Variants in SLC4A10 observed in about 807,000 individuals in gnomAD.
SLC4A10 encodes solute carrier family 4 member 10, also known as sodium-driven chloride bicarbonate exchanger.
In SLC4A10, 42 loss-of-function variants were observed where a neutral mutation model predicts 137.7. The observed-to-expected ratio is 0.30, with a 90% CI of 0.24 to 0.39. SLC4A10 has a LOEUF of 0.39. Ranked by LOEUF, SLC4A10 falls within the 10% of genes least tolerant of loss-of-function variation. The pLI is 1.00. For missense variants in SLC4A10, 925 were observed against 1,355.0 expected, an observed-to-expected ratio of 0.68 and a Z score of 4.98; for synonymous variants, 474 against 464.1, an observed-to-expected ratio of 1.02 and a Z score of -0.27.
intron 15 of SLC4A10, among the ~76,000 whole-genome samples, chr2:161,914,271 G>T (rs1686561268): frequency 6.6e-6 from 1 of 152,050 alleles, no homozygotes; most frequent in Non-Finnish European, 1.5e-5. Flanking sequence ...CTCTGAAAAA[G>T]AAAAGTTTAA....
intron 1 of SLC4A10, among the ~76,000 whole-genome samples, chr2:161,676,047 C>A (rs1384292647): frequency 1.3e-5 from 2 of 152,128 alleles, no homozygotes; most frequent in African/African-American, 4.8e-5. Context: ...AACCTCAGGA[C>A]AAAAGATCAT....
intron 1 of SLC4A10, among the ~76,000 whole-genome samples, chr2:161,692,784 G>A (rs1262895459): frequency 6.6e-6 from 1 of 152,042 alleles, no homozygotes; most frequent in African/African-American, 2.4e-5. Context: ...ATAATCAGAT[G>A]TTTAAATTTT....
intron 1 of SLC4A10, among the ~76,000 whole-genome samples, chr2:161,683,337 G>A (rs1203865672): frequency 1.3e-5 from 2 of 152,134 alleles, no homozygotes; most frequent in African/African-American, 4.8e-5. Context: ...TTTAATAAAT[G>A]AATATATAAA....
chr2:161,633,932 A>G (rs1447285694), intron 1 of SLC4A10, among the ~76,000 whole-genome samples: 2 of 151,804 alleles, frequency 1.3e-5, no homozygotes, highest in Non-Finnish European at 3.0e-5. Context: ...CTCATGGAAT[A>G]CTTGCAAAAA....
At chr2:161,712,432 G>C (rs1574502625) in intron 1 of SLC4A10, among the ~76,000 whole-genome samples, 2 of 151,340 alleles carry the variant, frequency 1.3e-5, no homozygotes, top group South Asian at 4.2e-4. Flanking sequence ...AAATAATAGG[G>C]GCAAATTTAC....
chr2:161,743,790 G>A (rs1278706926), intron 1 of SLC4A10, among the ~76,000 whole-genome samples: 1 of 151,848 alleles, frequency 6.6e-6, no homozygotes, highest in African/African-American at 2.4e-5. Flanking sequence ...TTTCCATTTT[G>A]TGTGTGTCCT....
intron 1 of SLC4A10, among the ~76,000 whole-genome samples, chr2:161,730,656 T>C (rs928865741): frequency 1.2e-4 from 19 of 152,212 alleles, no homozygotes; most frequent in Non-Finnish European, 2.2e-4. Context: ...TGTGTCGTAG[T>C]TGGATATGGT....
intron 1 of SLC4A10, among the ~76,000 whole-genome samples, chr2:161,657,174 A>G (rs1295733953): frequency 6.6e-6 from 1 of 152,020 alleles, no homozygotes; most frequent in African/African-American, 2.4e-5. Flanking sequence ...ATATATGAAT[A>G]TTGAGTAGAA....
chr2:161,664,299 A>G (rs1351753878), intron 1 of SLC4A10, among the ~76,000 whole-genome samples: 2 of 151,986 alleles, frequency 1.3e-5, no homozygotes, highest in Non-Finnish European at 2.9e-5. Context: ...TTGAACTCAT[A>G]ACTAAAAGTC....
At chr2:161,670,538 T>A (rs542217563) in intron 1 of SLC4A10, among the ~76,000 whole-genome samples, 2 of 151,108 alleles carry the variant, frequency 1.3e-5, no homozygotes, top group South Asian at 4.2e-4. Context: ...AGGTTTTATC[T>A]CGTGCGTACA....
chr2:161,950,590 T>G (rs1263654813), intron 18 of SLC4A10, 97 bp from the exon 19 acceptor site: 1 of 1,161,930 alleles, frequency 8.6e-7, no homozygotes, highest in Non-Finnish European at 1.2e-6. Context: ...CTCCTCTGTT[T>G]ATAATTAGGG....
At chr2:161,873,601 G>T (rs552457956) in intron 7 of SLC4A10, among the ~76,000 whole-genome samples, 1 of 151,070 alleles carries the variant, frequency 6.6e-6, no homozygotes, top group Admixed American at 6.6e-5. Flanking sequence ...TGAAAATACG[G>T]CAGGTTAACA....
At chr2:161,630,008 C>T (rs2033214536) in intron 1 of SLC4A10, among the ~76,000 whole-genome samples, 2 of 151,610 alleles carry the variant, frequency 1.3e-5, no homozygotes, top group Admixed American at 6.6e-5. Flanking sequence ...CATCCATGTG[C>T]AGATCTTTGT....
At chr2:161,835,355 T>A (rs1412163321) in intron 3 of SLC4A10, among the ~76,000 whole-genome samples, 1 of 152,104 alleles carries the variant, frequency 6.6e-6, no homozygotes, top group Admixed American at 6.5e-5. Context: ...ATGTCTTATG[T>A]CCAAATCATG....
At chr2:161,846,359 C>T (rs1345196855) in intron 4 of SLC4A10, among the ~76,000 whole-genome samples, 2 of 152,094 alleles carry the variant, frequency 1.3e-5, no homozygotes. Context: ...CTAGATCTTT[C>T]ATACATTGCT....
At chr2:161,978,384 C>CAAAAAAAAAAAAAAAAAAAAAAAAAAA (rs61399867) in intron 26 of SLC4A10, among the ~76,000 whole-genome samples, 1 of 90,492 alleles carries the variant, frequency 1.1e-5, no homozygotes, top group Non-Finnish European at 2.1e-5. Flanking sequence ...GAGACTCTGT[C>CAAAAAAAAAAAAAAAAAAAAAAAAAAA]AAAAAAAAAA....
At chr2:161,799,074 T>A (rs1195179344) in intron 2 of SLC4A10, among the ~76,000 whole-genome samples, 1 of 151,586 alleles carries the variant, frequency 6.6e-6, no homozygotes, top group Non-Finnish European at 1.5e-5. Flanking sequence ...TCACTAATGT[T>A]TTCAAAACAT....
chr2:161,697,332 G>A (rs1012163883), intron 1 of SLC4A10, among the ~76,000 whole-genome samples: 2 of 152,060 alleles, frequency 1.3e-5, no homozygotes, highest in African/African-American at 4.8e-5. Flanking sequence ...TGTCAATTTT[G>A]GCTTTTGTTG....
chr2:161,896,016 A>G (rs1319479515), intron 11 of SLC4A10, among the ~76,000 whole-genome samples: 1 of 151,686 alleles, frequency 6.6e-6, no homozygotes, highest in Non-Finnish European at 1.5e-5. Context: ...GGTAATGCCT[A>G]GGTTTTCTTC....
Sources: gnomAD v4.1 joint callset for allele counts (sites outside exome capture counted in the v4.1 genomes callset) on GRCh38, gnomAD v4.1.1 for gene constraint, MANE v1.5 for transcripts, NCBI Gene and HGNC (gene_info 2026-07-23, HGNC 2026-07-21) for gene names.